Variants in LONRF2 observed in about 807,000 individuals in gnomAD.
LONRF2 encodes LON peptidase N-terminal domain and RING finger protein 2.
A neutral mutation model predicts 66.6 loss-of-function variants in LONRF2; 35 were observed. The observed-to-expected ratio is 0.53, with a 90% CI of 0.40 to 0.70. The LOEUF (loss-of-function observed/expected upper bound fraction) is 0.70. Among genes scored for constraint, LONRF2 ranks in the 30% least tolerant of loss-of-function variants. The pLI is 0.00. For missense variants in LONRF2, 902 were observed against 1,002.1 expected, an observed-to-expected ratio of 0.90 and a Z score of 1.35; for synonymous variants, 417 against 418.1, an observed-to-expected ratio of 1.00 and a Z score of 0.03.
chr2:100,277,379 C>T lies in LONRF2; in HGVS notation c.*6919G>A, dbSNP rs1321905889. The T allele has an allele frequency of 6.6e-6, 1 of 152,192 alleles. No homozygotes were observed. Among genetic ancestry groups the T allele is most frequent in the East Asian group, 1.9e-4 (1 of 5,188 alleles). The allele number at this position is 152,192 out of a possible 1,614,324, so 9.4% of individuals were successfully genotyped here. On this transcript the variant is annotated 3_prime_UTR_variant, in exon 12 of 12. Coordinates refer to ENST00000393437, the MANE Select transcript of LONRF2 (RefSeq NM_198461.4). The stretch of plus-strand genomic sequence containing the variant: ...CTCTCAAAGACCTAAGCCTAGGACC[C>T]CAATCTCCAACTGTCCATTATAAAC...
intron 6 of LONRF2, 45 bp downstream of exon 6, chr2:100,299,181 A>T: frequency 7.2e-7 from 1 of 1,391,322 alleles, no homozygotes; most frequent in South Asian, 1.4e-5. Flanking sequence ...CATTTCAGAA[A>T]GGCTGCAGTT....
chr2:100,276,019 G>A lies in LONRF2; in HGVS notation c.*8279C>T, dbSNP rs778265295. On this transcript the variant is annotated 3_prime_UTR_variant, in exon 12 of 12. Coordinates refer to ENST00000393437, the MANE Select transcript of LONRF2 (RefSeq NM_198461.4). ...TGTATATGTACATATGCAGCTAAACGGAAGGTCCCTAATCTGATCCAATTA... is the reference window on the plus strand; with the variant it reads ...TGTATATGTACATATGCAGCTAAACAGAAGGTCCCTAATCTGATCCAATTA... The A allele has an allele frequency of 3.3e-5, 5 of 152,044 alleles. No homozygotes were observed. Among genetic ancestry groups the A allele is most frequent in the East Asian group, 1.9e-4 (1 of 5,182 alleles). 9.4% of individuals were successfully genotyped at this position (152,044 alleles called of 1,614,324 possible).
Position 100,321,718 on chromosome 2 carries a change from CG to C in LONRF2, c.375del (p.Gly126AlafsTer29). 1 of 1,151,338 alleles carries C rather than the reference CG, an allele frequency of 8.7e-7. No individual in the cohort carries two copies. Among genetic ancestry groups the C allele is most frequent in the Non-Finnish European group, 1.1e-6 (1 of 938,774 alleles). The allele number at this position is 1,151,338 out of a possible 1,614,324, so 71.3% of individuals were successfully genotyped here. A position where few individuals can be genotyped will look rare whatever the true frequency, so the allele number is the denominator to read the frequency against. On this transcript the variant is annotated frameshift_variant, in exon 1 of 12. Transcript: ENST00000393437. LOFTEE classifies it high-confidence loss of function. ...AENPGGEPEAPGEGGPAPEPR... is the reference protein window; with the variant it reads ...AENPGGEPEAXGEGGPAPEPR... Reference sequence around the variant, plus strand: ...GGCTCCGGGGCCGGCCCTCCCTCGCCGGGCGCCTCGGGCTCGCCGCCCGGGT... The same window carrying C: ...GGCTCCGGGGCCGGCCCTCCCTCGCCGGCGCCTCGGGCTCGCCGCCCGGGT...
intron 2 of LONRF2, among the ~76,000 whole-genome samples, chr2:100,308,876 A>G (rs1675349162): frequency 6.6e-6 from 1 of 152,178 alleles, no homozygotes; most frequent in Non-Finnish European, 1.5e-5. Flanking sequence ...ATTCAGCTAA[A>G]TATCTATTAA....
At position 100,292,236 on chromosome 2, in the gene LONRF2, G is replaced by C. The variant is rs1178281185; in HGVS notation, c.1758-1816C>G. Among the ~76,000 whole-genome samples, 3 of 152,286 alleles carry C rather than the reference G, an allele frequency of 2.0e-5. No individual in the cohort carries two copies. The East Asian group carries it at 5.8e-4, about 29-fold the overall frequency. On this transcript the variant is annotated intron_variant, in intron 9 of 11. Transcript: ENST00000393437. Reference sequence around the variant, plus strand: ...CCCCAGCAACCAGCAGAGGCCTCCAGACAAATGTCAGCTCCTCCAAGCCTG... The same window carrying C: ...CCCCAGCAACCAGCAGAGGCCTCCACACAAATGTCAGCTCCTCCAAGCCTG...
At position 100,286,922 on chromosome 2, in the gene LONRF2, C is replaced by T. The variant is rs1212831593; in HGVS notation, c.2062G>A (p.Glu688Lys). ...AAAAAGGGAGGGCATACCTGAGGCT[C>T]AGGTTCTCTGTCTGGCATTACCCCA... ...HFGVMPDREP[E>K]PQSNPSGPAW... Residue 688 changes from glutamate (E) to lysine (K), a missense_variant, in exon 11 of 12, where the codon GAG (glutamate) becomes AAG (lysine). By Grantham distance (56) the Glu-to-Lys change is moderately conservative. Coordinates refer to ENST00000393437, the MANE Select transcript of LONRF2 (RefSeq NM_198461.4). The T allele has an allele frequency of 1.2e-6, 2 of 1,613,630 alleles. No homozygotes were observed. The highest frequency in any genetic ancestry group is 1.7e-6 in the Non-Finnish European group (2 of 1,179,792).
chr2:100,316,089 G>A lies in LONRF2; in HGVS notation c.679+5326C>T, dbSNP rs562711065. Among the ~76,000 whole-genome samples the A allele has an allele frequency of 8.5e-5, 13 of 152,200 alleles. No homozygotes were observed. In the South Asian group the frequency reaches 2.7e-3, roughly 32 times the overall value. On this transcript the variant is annotated intron_variant, in intron 1 of 11. Coordinates refer to ENST00000393437, the MANE Select transcript of LONRF2 (RefSeq NM_198461.4). Reference sequence around the variant, plus strand: ...TAATCCCAGCACTTTGGGAGGCAGAGGCGGGCAGATCACGAGGTCAGAGAT... The same window carrying A: ...TAATCCCAGCACTTTGGGAGGCAGAAGCGGGCAGATCACGAGGTCAGAGAT...
chr2:100,311,656 G>T (rs1675411017), intron 1 of LONRF2, among the ~76,000 whole-genome samples: 1 of 152,098 alleles, frequency 6.6e-6, no homozygotes, highest in Admixed American at 6.5e-5. Context: ...TGTGTCTAAT[G>T]TTTTAACATA....
intron 8 of LONRF2, among the ~76,000 whole-genome samples, chr2:100,295,036 G>A (rs1015536045): frequency 6.6e-6 from 1 of 150,888 alleles, no homozygotes; most frequent in African/African-American, 2.4e-5. Context: ...TTAATATAGA[G>A]GTGGGGTCTT....
chr2:100,320,818 A>C lies in LONRF2; in HGVS notation c.679+597T>G, dbSNP rs371904246. On this transcript the variant is annotated intron_variant, in intron 1 of 11. Coordinates refer to ENST00000393437, the MANE Select transcript of LONRF2 (RefSeq NM_198461.4). Reference sequence around the variant, plus strand: ...TGTTGCTGGCCTTAGGCCTCAGATAAATAAGGAAATGACTGAATGAACAAT... The same window carrying C: ...TGTTGCTGGCCTTAGGCCTCAGATACATAAGGAAATGACTGAATGAACAAT... Among the ~76,000 whole-genome samples, 20 of 152,286 alleles carry C rather than the reference A, an allele frequency of 1.3e-4. No homozygotes were observed. In the East Asian group the frequency reaches 3.5e-3, roughly 26 times the overall value.
chr2:100,283,406 G>C lies in LONRF2; in HGVS notation c.*892C>G, dbSNP rs1285487051. On this transcript the variant is annotated 3_prime_UTR_variant, in exon 12 of 12. Transcript: ENST00000393437. ...GATAGTAAACTGAAATTTACTGATG[G>C]GGCTAATTTCTAATGCAAATCCCAA... The C allele has an allele frequency of 6.6e-6, 1 of 151,898 alleles. No homozygotes were observed. The highest frequency in any genetic ancestry group is 2.4e-5 in the African/African-American group (1 of 41,340). 9.4% of individuals were successfully genotyped at this position (151,898 alleles called of 1,614,324 possible). A position where few individuals can be genotyped will look rare whatever the true frequency, so the allele number is the denominator to read the frequency against.
At chr2:100,286,632 G>A (rs1002643168) in intron 11 of LONRF2, among the ~76,000 whole-genome samples, 1 of 152,210 alleles carries the variant, frequency 6.6e-6, no homozygotes, top group South Asian at 2.1e-4. Flanking sequence ...TTTAAGATGT[G>A]AGTGAAAGAA....
intron 2 of LONRF2, among the ~76,000 whole-genome samples, chr2:100,307,517 A>G (rs1027427998): frequency 6.6e-6 from 1 of 152,222 alleles, no homozygotes; most frequent in Admixed American, 6.5e-5. Context: ...GTCAGAAATA[A>G]TAGTTATAAT....
intron 7 of LONRF2, among the ~76,000 whole-genome samples, chr2:100,295,822 G>A (rs1276784513): frequency 1.3e-5 from 2 of 152,212 alleles, no homozygotes; most frequent in Non-Finnish European, 2.9e-5. Flanking sequence ...GTGCCATGAT[G>A]TTGGTGAGAG....
At chr2:100,292,631 T>G (rs561045628) in intron 9 of LONRF2, among the ~76,000 whole-genome samples, 82 of 152,324 alleles carry the variant, frequency 5.4e-4, no homozygotes, top group African/African-American at 1.9e-3. Flanking sequence ...CACGTGGAAC[T>G]CTTATAGCTT....
intron 1 of LONRF2, among the ~76,000 whole-genome samples, chr2:100,312,859 T>G (rs1675434757): frequency 6.6e-6 from 1 of 152,202 alleles, no homozygotes; most frequent in African/African-American, 2.4e-5. Flanking sequence ...CAAGGATCCC[T>G]CAAAACTAAG....
Position 100,321,569 on chromosome 2 carries a change from C to G in LONRF2, c.525G>C (p.Gln175His). Residue 175 changes from glutamine (Q) to histidine (H), a missense_variant, in exon 1 of 12, where the codon CAG becomes CAC. By Grantham distance (24) the Gln-to-His change is conservative. Coordinates refer to ENST00000393437, the MANE Select transcript of LONRF2 (RefSeq NM_198461.4). ...TCAGCACCACGTTCACGCGCCGCAC[C>G]TGCGGCCGCGCGGGCCCTGGCTCCA... ...RCVEPGPARPQVRRVNVVLSG... is the reference protein window; with the variant it reads ...RCVEPGPARPHVRRVNVVLSG... 1 of 1,537,100 alleles carries G rather than the reference C, an allele frequency of 6.5e-7. No homozygotes were observed. Among genetic ancestry groups the G allele is most frequent in the Non-Finnish European group, 8.7e-7 (1 of 1,154,152 alleles).
chr2:100,301,632 C>T (rs1559179166), intron 3 of LONRF2, among the ~76,000 whole-genome samples: 1 of 152,234 alleles, frequency 6.6e-6, no homozygotes, highest in Non-Finnish European at 1.5e-5. Context: ...TTGGTACCGT[C>T]TGTGATACAA....
intron 1 of LONRF2, among the ~76,000 whole-genome samples, chr2:100,311,414 GGGTTATGC>G (rs1675406321): frequency 1.3e-5 from 2 of 151,930 alleles, no homozygotes; most frequent in Admixed American, 1.3e-4. Context: ...TTTTAGGCTT[GGGTTATGC>G]CTGCTGCAAA....
Sources: gnomAD v4.1 joint callset for allele counts (sites outside exome capture counted in the v4.1 genomes callset) on GRCh38, gnomAD v4.1.1 for gene constraint, MANE v1.5 for transcripts, NCBI Gene and HGNC (gene_info 2026-07-23, HGNC 2026-07-21) for gene names.